MXRA7: variants seen among roughly 807,000 people sequenced by gnomAD.
The protein encoded by MXRA7 is matrix-remodeling-associated protein 7.
In MXRA7, 18 loss-of-function variants were observed where a neutral mutation model predicts 17.4. The ratio of observed to expected loss-of-function variants is 1.03; its 90% CI spans 0.71 to 1.53. The LOEUF is 1.53. MXRA7 is among the 40% of genes most tolerant of loss of function. The probability of loss-of-function intolerance (pLI) is 0.00; values close to 1 mark genes in which losing one functional copy is unlikely to be tolerated. For synonymous variants in MXRA7, 70 were observed against 101.7 expected, an observed-to-expected ratio of 0.69 and a Z score of 1.87; for missense variants, 141 against 209.3, an observed-to-expected ratio of 0.67 and a Z score of 2.01.
intron 3 of MXRA7, chr17:76,683,979 C>G (rs1598338373): frequency 2.2e-6 from 3 of 1,355,000 alleles, no homozygotes; most frequent in Non-Finnish European, 3.2e-6. Flanking sequence ...GCATCCTCAG[C>G]ACCTGAGGAC....
chr17:76,677,831 A>C (rs2076253643), downstream of MXRA7: 1 of 651,858 alleles, frequency 1.5e-6, no homozygotes, highest in African/African-American at 1.8e-5. Context: ...TTTCAGAACA[A>C]GAAGAAAATG....
downstream of MXRA7, chr17:76,676,045 TG>T (rs1265202679): frequency 6.6e-6 from 1 of 152,232 alleles, no homozygotes; most frequent in Non-Finnish European, 1.5e-5. Flanking sequence ...GTCCTGCCAG[TG>T]GGGTGATCAG....
exon 4 of MXRA7, chr17:76,674,435 C>T (rs1232306994): frequency 1.3e-5 from 2 of 152,176 alleles, no homozygotes; most frequent in African/African-American, 2.4e-5. Context: ...TAGGAGCCAC[C>T]CAACACCACA....
At chr17:76,687,311 G>A (rs2076410466) in intron 2 of MXRA7, among the ~76,000 whole-genome samples, 2 of 152,226 alleles carry the variant, frequency 1.3e-5, no homozygotes, top group Non-Finnish European at 1.5e-5. Context: ...CTGCCCGCAG[G>A]AGCTGGTTCC....
intron 1 of MXRA7, chr17:76,689,554 T>A (rs1013816810): frequency 3.3e-5 from 5 of 152,208 alleles, no homozygotes; most frequent in South Asian, 2.1e-4. Context: ...CAGCAAAGTA[T>A]CTCTATGGCT....
At chr17:76,704,258 T>A (rs1598360470) in intron 1 of MXRA7, among the ~76,000 whole-genome samples, 1 of 120,354 alleles carries the variant, frequency 8.3e-6, no homozygotes, top group Non-Finnish European at 1.7e-5. Context: ...CAGGCTGGAG[T>A]GCAGTGGTGC....
intron 1 of MXRA7, among the ~76,000 whole-genome samples, chr17:76,692,831 C>T (rs1250441060): frequency 1.3e-5 from 2 of 152,056 alleles, no homozygotes; most frequent in East Asian, 1.9e-4. Flanking sequence ...GTTCAAACTT[C>T]GAAAAACCTT....
At chr17:76,710,580 G>A (rs1258872036) in intron 1 of MXRA7, 25 bp downstream of exon 1, 2 of 1,288,216 alleles carry the variant, frequency 1.6e-6, no homozygotes, top group Non-Finnish European at 2.0e-6. Flanking sequence ...GGTGGGGAGG[G>A]GGCCGCGAGG....
At chr17:76,705,951 T>A (rs546281377) in intron 1 of MXRA7, among the ~76,000 whole-genome samples, 1 of 152,154 alleles carries the variant, frequency 6.6e-6, no homozygotes, top group African/African-American at 2.4e-5. Flanking sequence ...GAGATTTTGC[T>A]AAGAGAACAG....
chr17:76,702,674 A>C (rs2076603636), intron 1 of MXRA7, among the ~76,000 whole-genome samples: 2 of 151,694 alleles, frequency 1.3e-5, no homozygotes. Flanking sequence ...GTAACACGCG[A>C]AACTTCATCT....
Position 76,710,604 on chromosome 17 carries a change from C to G in MXRA7, c.342+1G>C. The G allele has an allele frequency of 7.3e-7, 1 of 1,376,026 alleles. No individual in the cohort carries two copies. The highest frequency in any genetic ancestry group is 9.4e-7 in the Non-Finnish European group (1 of 1,060,608). 85.2% of individuals were successfully genotyped at this position (1,376,026 alleles called of 1,614,324 possible). ...GGGGCCGCGAGGGCCCCGGTGCGTA[C>G]CTGCCTCGCCTCCACCGCCTGCTCC... On this transcript the variant is annotated splice_donor_variant, in intron 1 of 3. Coordinates refer to ENST00000449428, the MANE Select transcript of MXRA7 (RefSeq NM_198530.4). LOFTEE classifies it high-confidence loss of function.
chr17:76,676,354 A>G (rs771062545), downstream of MXRA7: 1 of 152,232 alleles, frequency 6.6e-6, no homozygotes, highest in Non-Finnish European at 1.5e-5. Context: ...TTGCCTAATT[A>G]TATTTAAAGT....
At chr17:76,704,194 C>CTT (rs58379087) in intron 1 of MXRA7, among the ~76,000 whole-genome samples, 133,110 of 134,772 alleles carry the variant, frequency 0.99, 65,764 homozygotes, top group East Asian at 1. Flanking sequence ...CTCCAGCTTC[C>CTT]TTCAGATTTT....
Position 76,704,440 on chromosome 17 carries a change from C to T in MXRA7, c.342+6165G>A, listed in dbSNP as rs374122766. ...CAGGATGGTCTCGATCTCCTGACCTCGTGATCCGCCCGCCTCGGCCTCCCA... is the reference window on the plus strand; with the variant it reads ...CAGGATGGTCTCGATCTCCTGACCTTGTGATCCGCCCGCCTCGGCCTCCCA... On this transcript the variant is annotated intron_variant, in intron 1 of 3. Transcript: ENST00000449428. 1.7e-4 allele frequency among the ~76,000 whole-genome samples: 25 copies of T among 150,210 alleles called. No individual in the cohort carries two copies. In the East Asian group the frequency reaches 4.5e-3, roughly 27 times the overall value.
intron 1 of MXRA7, among the ~76,000 whole-genome samples, chr17:76,702,839 G>A (rs968152303): frequency 6.6e-5 from 4 of 60,526 alleles, no homozygotes; most frequent in Non-Finnish European, 1.2e-4. Context: ...GTGACAGAGC[G>A]AGACTACCTC....
At chr17:76,698,213 G>C (rs942285106) in intron 1 of MXRA7, among the ~76,000 whole-genome samples, 1 of 152,210 alleles carries the variant, frequency 6.6e-6, no homozygotes, top group Non-Finnish European at 1.5e-5. Flanking sequence ...GGCAAGGATG[G>C]AGATAACAGG....
intron 1 of MXRA7, among the ~76,000 whole-genome samples, chr17:76,695,585 G>T (rs756839461): frequency 1.1e-4 from 17 of 152,120 alleles, no homozygotes; most frequent in Non-Finnish European, 2.4e-4. Flanking sequence ...AGGAAAGGGA[G>T]CTCAGCTGTG....
Position 76,687,806 on chromosome 17 carries a change from C to T in MXRA7, c.406+307G>A, listed in dbSNP as rs979726794. The stretch of plus-strand genomic sequence containing the variant: ...GGAGAGAATCGTGAAATGTACAGCG[C>T]GGTCACAAAAGGGGAGTTAGGAGGC... On this transcript the variant is annotated intron_variant, in intron 2 of 3. Coordinates refer to ENST00000449428, the MANE Select transcript of MXRA7 (RefSeq NM_198530.4). Among the ~76,000 whole-genome samples, 6 of 152,192 alleles carry T rather than the reference C, an allele frequency of 3.9e-5. No homozygotes were observed. The East Asian group carries it at 5.8e-4, about 15-fold the overall frequency.
intron 1 of MXRA7, among the ~76,000 whole-genome samples, chr17:76,690,998 C>T (rs1299608513): frequency 6.6e-6 from 1 of 152,136 alleles, no homozygotes; most frequent in African/African-American, 2.4e-5. Context: ...TTGGAATTTC[C>T]CGGGTGACAG....
Sources: allele counts gnomAD v4.1 joint callset (sites outside exome capture counted in the v4.1 genomes callset), GRCh38; gene constraint gnomAD v4.1.1; transcripts MANE v1.5; gene names NCBI Gene and HGNC (gene_info 2026-07-23, HGNC 2026-07-21).